CYB5R4: variants seen among roughly 807,000 people sequenced by gnomAD.
CYB5R4 encodes N-terminal cytochrome b5 and cytochrome b5 oxidoreductase domain-containing protein.
Under a neutral mutation model 70.2 loss-of-function variants are expected in CYB5R4, and 55 were observed. That is an observed-to-expected ratio of 0.78 (90% CI 0.63 to 0.98). The LOEUF (loss-of-function observed/expected upper bound fraction) is 0.98, where lower values mean the gene tolerates loss of function less well. CYB5R4 is among the 50% of genes least tolerant of loss of function. CYB5R4 has a pLI of 0.00. For synonymous variants in CYB5R4, 197 were observed against 199.5 expected (o/e 0.99, Z 0.11); for missense variants, 562 against 612.6 (o/e 0.92, Z 0.87).
At chr6:83,887,604 T>C (rs1211962290) in intron 2 of CYB5R4, among the ~76,000 whole-genome samples, 1 of 152,176 alleles carries the variant, frequency 6.6e-6, no homozygotes, top group Non-Finnish European at 1.5e-5. Context: ...TGCTAGGGCA[T>C]TTAAAAATGA....
At chr6:83,914,142 A>G (rs2099465112) in intron 4 of CYB5R4, among the ~76,000 whole-genome samples, 1 of 152,220 alleles carries the variant, frequency 6.6e-6, no homozygotes, top group Admixed American at 6.5e-5. Context: ...GAAATTAACC[A>G]AGATATTAGA....
At chr6:83,945,897 C>G (rs189246371) in intron 14 of CYB5R4, among the ~76,000 whole-genome samples, 68 of 152,132 alleles carry the variant, frequency 4.5e-4, no homozygotes, top group African/African-American at 1.5e-3. Context: ...TTGAATAGAC[C>G]CAGTAACAAG....
chr6:83,888,900 C>T (rs562170026), intron 2 of CYB5R4, among the ~76,000 whole-genome samples: 1 of 152,102 alleles, frequency 6.6e-6, no homozygotes. Flanking sequence ...AGTAAGCATA[C>T]GAATGATATA....
At chr6:83,874,767 C>A (rs1588560293) in intron 2 of CYB5R4, among the ~76,000 whole-genome samples, 3 of 151,976 alleles carry the variant, frequency 2.0e-5, no homozygotes, top group Admixed American at 2.0e-4. Flanking sequence ...TCTGTTAGAA[C>A]ATCTGTTTCG....
At position 83,884,320 on chromosome 6, in the gene CYB5R4, G is replaced by T. The variant is rs140082132; in HGVS notation, c.230-9202G>T. Among the ~76,000 whole-genome samples the T allele has an allele frequency of 3.7e-3, 556 of 151,980 alleles. 1 individual carries two copies. The highest frequency in any genetic ancestry group is 0.012 in the African/African-American group (517 of 41,466). Reference sequence around the variant, plus strand: ...AGGTATACTTTAAAAACACAAATAGGCTAAACGTAAATGTTTGGGAAAAAG... The same window carrying T: ...AGGTATACTTTAAAAACACAAATAGTCTAAACGTAAATGTTTGGGAAAAAG... On this transcript the variant is annotated intron_variant, in intron 2 of 15. Coordinates refer to ENST00000369681, the MANE Select transcript of CYB5R4 (RefSeq NM_016230.4).
intron 2 of CYB5R4, among the ~76,000 whole-genome samples, chr6:83,874,412 G>A (rs1164704420): frequency 6.6e-6 from 1 of 151,550 alleles, no homozygotes. Context: ...GTGTGGCCCA[G>A]ACTGGTCTTG....
intron 15 of CYB5R4, among the ~76,000 whole-genome samples, chr6:83,958,767 C>T (rs1301110996): frequency 6.6e-6 from 1 of 152,140 alleles, no homozygotes; most frequent in African/African-American, 2.4e-5. Context: ...AAGCATCTTA[C>T]AATCATTTGC....
intron 3 of CYB5R4, among the ~76,000 whole-genome samples, chr6:83,893,989 GTAACT>G (rs1406022950): frequency 6.6e-6 from 1 of 152,156 alleles, no homozygotes; most frequent in Non-Finnish European, 1.5e-5. Context: ...CTTTAAACAA[GTAACT>G]TAGCTTCTTT....
chr6:83,868,086 A>AT (rs2099457019), intron 2 of CYB5R4, among the ~76,000 whole-genome samples: 1 of 152,166 alleles, frequency 6.6e-6, no homozygotes, highest in Non-Finnish European at 1.5e-5. Flanking sequence ...GTGTGTGCCA[A>AT]CTTTAGTCTT....
rs2099464274 is a variant in CYB5R4, at chr6:83,909,104, G to C, written c.412+14G>C. ...CTGTTCTGAAAGGTAAGTGGTGCTG[G>C]TGCTAAACCAGCATGGATGTGTGGT... is the stretch of plus-strand genomic sequence containing the variant. On this transcript the variant is annotated intron_variant, in intron 4 of 15. Coordinates refer to ENST00000369681, the MANE Select transcript of CYB5R4 (RefSeq NM_016230.4). 2 of 1,610,182 alleles carry C rather than the reference G, an allele frequency of 1.2e-6. No individual in the cohort carries two copies. Among genetic ancestry groups the C allele is most frequent in the Non-Finnish European group, 1.7e-6 (2 of 1,176,614 alleles).
chr6:83,958,229 C>T lies in CYB5R4; in HGVS notation c.1512-1595C>T, dbSNP rs2099472740. Among the ~76,000 whole-genome samples, 5 of 152,130 alleles carry T rather than the reference C, an allele frequency of 3.3e-5. No individual in the cohort carries two copies. In the South Asian group the frequency reaches 1.0e-3, roughly 31 times the overall value. ...TGGTTCTTTATCCATTAAATATGTA[C>T]TTTATTACAGAGGTTAGTAAAACAG... On this transcript the variant is annotated intron_variant, in intron 15 of 15. Transcript: ENST00000369681.
intron 2 of CYB5R4, among the ~76,000 whole-genome samples, chr6:83,868,318 G>A (rs949827229): frequency 3.3e-5 from 5 of 152,062 alleles, no homozygotes; most frequent in African/African-American, 1.2e-4. Flanking sequence ...ATTTGGTATG[G>A]GTTTTTATGA....
In CYB5R4 at chr6:83,913,961, C is replaced by T. The variant is rs538725181; in HGVS notation, c.413-455C>T. On this transcript the variant is annotated intron_variant, in intron 4 of 15. Coordinates refer to ENST00000369681, the MANE Select transcript of CYB5R4 (RefSeq NM_016230.4). ...TGAACATATTTTAAACTTGTAATAA[C>T]GATCATTTTATGCATTGAACTCAGT... Among the ~76,000 whole-genome samples, 11 of 152,082 alleles carry T rather than the reference C, an allele frequency of 7.2e-5. No individual in the cohort carries two copies. In the South Asian group the frequency reaches 1.9e-3, roughly 26 times the overall value.
chr6:83,861,058 C>T (rs1415635804), intron 1 of CYB5R4, among the ~76,000 whole-genome samples: 2 of 152,172 alleles, frequency 1.3e-5, no homozygotes, highest in Non-Finnish European at 2.9e-5. Flanking sequence ...GGTTTTTGAC[C>T]TATTTCTTGA....
At chr6:83,915,391 A>G (rs2099465344) in intron 5 of CYB5R4, among the ~76,000 whole-genome samples, 4 of 152,220 alleles carry the variant, frequency 2.6e-5, no homozygotes, top group Admixed American at 2.6e-4. Context: ...AATTTATGCA[A>G]TTTATAGTAC....
intron 10 of CYB5R4, among the ~76,000 whole-genome samples, chr6:83,931,606 A>G (rs1010681725): frequency 1.4e-4 from 22 of 152,050 alleles, no homozygotes; most frequent in African/African-American, 4.8e-4. Flanking sequence ...TTTAATTCAA[A>G]TAAGTTAGGT....
At chr6:83,874,011 A>G (rs2099458081) in intron 2 of CYB5R4, among the ~76,000 whole-genome samples, 1 of 152,102 alleles carries the variant, frequency 6.6e-6, no homozygotes, top group Non-Finnish European at 1.5e-5. Context: ...AGGTGTTTAC[A>G]GTGAATATAA....
chr6:83,924,760 A>G (rs1385184419), intron 10 of CYB5R4, among the ~76,000 whole-genome samples, 168 bp downstream of exon 10: 1 of 152,108 alleles, frequency 6.6e-6, no homozygotes, highest in African/African-American at 2.4e-5. Flanking sequence ...TTTTTTTCCC[A>G]TAGAAGTTAA....
chr6:83,963,161 A>AT lies in CYB5R4; in HGVS notation c.*3284dup, dbSNP rs2099473586. 6.6e-6 allele frequency: 1 copy of AT among 152,224 alleles called. No individual in the cohort carries two copies. The highest frequency in any genetic ancestry group is 2.1e-4 in the South Asian group (1 of 4,836). The allele number at this position is 152,224 out of a possible 1,614,324, so 9.4% of individuals were successfully genotyped here. A position where few individuals can be genotyped will look rare whatever the true frequency, so the allele number is the denominator to read the frequency against. The stretch of plus-strand genomic sequence containing the variant: ...AGGCATTTGGGTGTTGACATCTTTG[A>AT]TGGGCACATTGTGTCTACCACAGGC... On this transcript the variant is annotated 3_prime_UTR_variant, in exon 16 of 16. Transcript: ENST00000369681.
Sources: allele counts gnomAD v4.1 joint callset (sites outside exome capture counted in the v4.1 genomes callset), GRCh38; gene constraint gnomAD v4.1.1; transcripts MANE v1.5; gene names NCBI Gene and HGNC (gene_info 2026-07-23, HGNC 2026-07-21).